BST1: variants seen among roughly 807,000 people sequenced by gnomAD.
The protein encoded by BST1 is ADP-ribosyl cyclase/cyclic ADP-ribose hydrolase 2.
In BST1, 49 loss-of-function variants were observed where a neutral mutation model predicts 40.6. The ratio of observed to expected loss-of-function variants is 1.21; its 90% CI spans 0.96 to 1.53. BST1 has a LOEUF of 1.53. Ranked by LOEUF, BST1 falls within the 40% of genes most tolerant of loss-of-function variation. BST1 has a pLI of 0.00. For missense variants in BST1, 423 were observed against 395.9 expected (o/e 1.07, Z -0.58); for synonymous variants, 157 against 159.3 (o/e 0.99, Z 0.11).
chr4:15,768,642 C>T, the BST1 span, among the ~76,000 whole-genome samples: 3 of 151,836 alleles, frequency 2.0e-5, no homozygotes, highest in African/African-American at 4.8e-5. Context: ...TACAGGCGCC[C>T]GCCACCGCGC....
intron 3 of BST1, among the ~76,000 whole-genome samples, 157 bp downstream of exon 3, chr4:15,707,803 A>T (rs1719964109): frequency 6.7e-6 from 1 of 150,148 alleles, no homozygotes; most frequent in South Asian, 2.1e-4. Context: ...AATACTAGAG[A>T]ATACTTAACT....
intron 7 of BST1, among the ~76,000 whole-genome samples, chr4:15,721,771 G>A (rs113730007): frequency 0.092 from 13,956 of 152,108 alleles, 807 homozygotes; most frequent in Non-Finnish European, 0.13. Flanking sequence ...AAACCTGCAC[G>A]TTGTGCACAT....
the BST1 span, among the ~76,000 whole-genome samples, chr4:15,746,958 A>T: frequency 6.6e-6 from 1 of 152,226 alleles, no homozygotes; most frequent in African/African-American, 2.4e-5. Flanking sequence ...TGATCAAGCC[A>T]TCAGAAGATC....
chr4:15,768,940 A>T, the BST1 span, among the ~76,000 whole-genome samples: 1 of 152,230 alleles, frequency 6.6e-6, no homozygotes, highest in East Asian at 1.9e-4. Context: ...GAACAGACTG[A>T]GTCTGTCAAC....
chr4:15,710,327 A>G (rs1420594539), intron 3 of BST1, among the ~76,000 whole-genome samples: 1 of 152,072 alleles, frequency 6.6e-6, no homozygotes, highest in Non-Finnish European at 1.5e-5. Flanking sequence ...AAAATTGTAT[A>G]TATTTATGGC....
intron 8 of BST1, among the ~76,000 whole-genome samples, chr4:15,725,587 CCA>C (rs981043990): frequency 3.3e-5 from 5 of 152,150 alleles, no homozygotes; most frequent in African/African-American, 1.2e-4. Flanking sequence ...GTCCCATCTT[CCA>C]GGTTCATCAT....
At chr4:15,741,680 G>T (rs894040323), downstream of BST1, among the ~76,000 whole-genome samples, 1 of 152,164 alleles carries the variant, frequency 6.6e-6, no homozygotes, top group Non-Finnish European at 1.5e-5. Context: ...CATGGCGTCT[G>T]AAAACTACAT....
downstream of BST1, chr4:15,736,082 T>C (rs1210394379): frequency 3.1e-6 from 4 of 1,288,798 alleles, no homozygotes; most frequent in Non-Finnish European, 4.0e-6. Flanking sequence ...ACATTAGGAG[T>C]GCGACCCAGA....
At chr4:15,774,042 T>A in the BST1 span, among the ~76,000 whole-genome samples, 1 of 152,130 alleles carries the variant, frequency 6.6e-6, no homozygotes, top group Non-Finnish European at 1.5e-5. Context: ...AAAAGGTAAT[T>A]AAGTTAAAAT....
intron 2 of BST1, 107 bp from the exon 3 acceptor site, chr4:15,707,404 A>C (rs1407193609): frequency 7.8e-7 from 1 of 1,274,952 alleles, no homozygotes; most frequent in Non-Finnish European, 1.1e-6. Context: ...GCAGCAGGTC[A>C]GAGTTGAATG....
chr4:15,713,431 G>A (rs565059006), intron 4 of BST1, among the ~76,000 whole-genome samples: 5 of 151,990 alleles, frequency 3.3e-5, no homozygotes, highest in Admixed American at 6.5e-5. Flanking sequence ...TAATCCACCC[G>A]CCTCAGCCTC....
chr4:15,715,169 C>T (rs963710519), intron 4 of BST1, 116 bp from the exon 5 acceptor site: 5 of 929,212 alleles, frequency 5.4e-6, no homozygotes, highest in Non-Finnish European at 8.3e-6. Context: ...ATATGAAATG[C>T]CACATTTATC....
At chr4:15,709,892 G>GA (rs1435083677) in intron 3 of BST1, among the ~76,000 whole-genome samples, 3 of 152,168 alleles carry the variant, frequency 2.0e-5, no homozygotes, top group East Asian at 1.9e-4. Context: ...AATAAACACA[G>GA]AAAAAAGTCA....
At position 15,705,544 on chromosome 4, in the gene BST1, C is replaced by G. The variant is rs1379012280; in HGVS notation, c.218C>G (p.Ala73Gly). 3.7e-6 allele frequency: 6 copies of G among 1,602,942 alleles called. No individual in the cohort carries two copies. The highest frequency in any genetic ancestry group is 2.2e-5 in the East Asian group (1 of 44,848). ...AAGAACTGCACAGCCATCTGGGAAG[C>G]CTTTAAAGTGGCGCTGGACAAGGAT... ...RNKNCTAIWE[A>G]FKVALDKDPC... Residue 73 changes from alanine to glycine, a missense_variant, in exon 2 of 9, where the codon GCC becomes GGC. Ala to Gly is a moderately conservative substitution (Grantham distance 60). Coordinates refer to ENST00000265016, the MANE Select transcript of BST1 (RefSeq NM_004334.3).
intron 8 of BST1, chr4:15,723,557 T>C: frequency 2.0e-6 from 2 of 985,528 alleles, no homozygotes; most frequent in Non-Finnish European, 2.4e-6. Context: ...CCACACCACC[T>C]TTTATGTAAT....
the BST1 span, among the ~76,000 whole-genome samples, chr4:15,763,806 C>T: frequency 2.0e-5 from 3 of 151,926 alleles, no homozygotes; most frequent in Non-Finnish European, 4.4e-5. Context: ...GCTAAGTGAA[C>T]GAAGCCAATC....
At chr4:15,704,582 G>T (rs894427698) in intron 1 of BST1, among the ~76,000 whole-genome samples, 10 of 151,690 alleles carry the variant, frequency 6.6e-5, no homozygotes, top group African/African-American at 2.4e-4. Context: ...GTGTGGTCTA[G>T]AGGTGAGAGG....
At chr4:15,765,466 C>A in the BST1 span, among the ~76,000 whole-genome samples, 2 of 151,992 alleles carry the variant, frequency 1.3e-5, no homozygotes, top group African/African-American at 2.4e-5. Context: ...TTCTGCTCAA[C>A]AAACAGCCAG....
chr4:15,761,030 TTTTTG>T, the BST1 span, among the ~76,000 whole-genome samples: 3 of 151,662 alleles, frequency 2.0e-5, no homozygotes, highest in African/African-American at 4.9e-5. Flanking sequence ...GCATATAGTT[TTTTTG>T]TTTTGTTTTG....
Sources: allele counts gnomAD v4.1 joint callset (sites outside exome capture counted in the v4.1 genomes callset), GRCh38; gene constraint gnomAD v4.1.1; transcripts MANE v1.5; gene names NCBI Gene and HGNC (gene_info 2026-07-23, HGNC 2026-07-21).